PPARA: variants seen among roughly 807,000 people sequenced by gnomAD.
The protein encoded by PPARA is peroxisome proliferator-activated receptor alpha.
A neutral mutation model predicts 42.2 loss-of-function variants in PPARA; 22 were observed. The ratio of observed to expected loss-of-function variants is 0.52; its 90% CI spans 0.37 to 0.74. PPARA has a LOEUF of 0.74. Among genes scored for constraint, PPARA ranks in the 30% least tolerant of loss-of-function variants. PPARA has a pLI of 0.00. For synonymous variants in PPARA, 242 were observed against 239.3 expected (o/e 1.01, Z -0.10); for missense variants, 465 against 608.2 (o/e 0.76, Z 2.48).
chr22:46,169,048 T>A (rs901789277), intron 2 of PPARA, among the ~76,000 whole-genome samples: 4 of 151,592 alleles, frequency 2.6e-5, no homozygotes, highest in African/African-American at 9.7e-5. Flanking sequence ...GAGGAATGAA[T>A]AGGTGGAACA....
intron 4 of PPARA, among the ~76,000 whole-genome samples, chr22:46,208,913 T>C (rs1320723114): frequency 6.7e-6 from 1 of 148,306 alleles, no homozygotes; most frequent in Non-Finnish European, 1.5e-5. Context: ...TGTGTGTGTG[T>C]GTGCGTGTGT....
In PPARA at chr22:46,201,369, C is replaced by T. The variant is rs149660937; in HGVS notation, c.208+2778C>T. ...CGAGCAGCTTTGGGAGTGACCCTGACAGACCTTTACAGGTGGTGCAAGTTT... is the reference window on the plus strand; with the variant it reads ...CGAGCAGCTTTGGGAGTGACCCTGATAGACCTTTACAGGTGGTGCAAGTTT... On this transcript the variant is annotated intron_variant, in intron 4 of 8. Transcript: ENST00000407236. Among the ~76,000 whole-genome samples the T allele has an allele frequency of 3.8e-3, 574 of 152,252 alleles. 1 individual carries two copies. The highest frequency in any genetic ancestry group is 5.7e-3 in the Non-Finnish European group (387 of 68,022).
chr22:46,218,482 G>A, intron 6 of PPARA, 81 bp downstream of exon 6: 1 of 1,586,554 alleles, frequency 6.3e-7, no homozygotes, highest in Non-Finnish European at 8.6e-7. Flanking sequence ...ATCAAGCTAT[G>A]GATGAATGTG....
At chr22:46,172,318 T>TAA (rs35328780) in intron 2 of PPARA, among the ~76,000 whole-genome samples, 11,348 of 119,350 alleles carry the variant, frequency 0.095, 616 homozygotes, top group South Asian at 0.14. Context: ...TGCAAGTAAT[T>TAA]AAAAAAAAAA....
rs931206904 is a variant in PPARA, at chr22:46,238,195, G to A, written c.*2815G>A. 2.6e-5 allele frequency: 4 copies of A among 152,172 alleles called. No individual in the cohort carries two copies. Among genetic ancestry groups the A allele is most frequent in the African/African-American group, 4.8e-5 (2 of 41,434 alleles). The allele number at this position is 152,172 out of a possible 1,614,324, so 9.4% of individuals were successfully genotyped here. On this transcript the variant is annotated 3_prime_UTR_variant, in exon 9 of 9. Transcript: ENST00000407236. This position sits in a 1 kb window ranked among gnomAD's most constrained non-coding sequence, Gnocchi z 8.3. ...CGTGACCTCAGGCTGAAAGTCACTCGACATTGGTCTCTTGTGTTGATAGGG... is the reference window on the plus strand; with the variant it reads ...CGTGACCTCAGGCTGAAAGTCACTCAACATTGGTCTCTTGTGTTGATAGGG...
rs1032163380 is a variant in PPARA, at chr22:46,216,997, G to A, written c.370-1266G>A. ...CTTGGAAAATGCCACCGCCTTTCTG[G>A]CACAATGTACCATCTTGGAACACCA... On this transcript the variant is annotated intron_variant, in intron 5 of 8. Coordinates refer to ENST00000407236, the MANE Select transcript of PPARA (RefSeq NM_005036.6). The surrounding 1 kb of genome is among the most constrained non-coding windows in gnomAD (Gnocchi z 4.5). 1.1e-4 allele frequency among the ~76,000 whole-genome samples: 16 copies of A among 152,242 alleles called. 2 individuals are homozygous for A. The highest frequency in any genetic ancestry group is 9.7e-4 in the East Asian group (5 of 5,172).
chr22:46,206,536 G>A (rs1227794155), intron 4 of PPARA, among the ~76,000 whole-genome samples: 1 of 152,120 alleles, frequency 6.6e-6, no homozygotes, highest in Non-Finnish European at 1.5e-5. Context: ...ATGTCTCCCA[G>A]TCTACCTTCC....
rs571736420 is a variant in PPARA, at chr22:46,219,813, G to A, written c.510G>A (p.Ala170=). 1.1e-5 allele frequency: 18 copies of A among 1,614,084 alleles called. No homozygotes were observed. Among genetic ancestry groups the A allele is most frequent in the Admixed American group, 3.3e-5 (2 of 60,018 alleles). Reference sequence around the variant, plus strand: ...TGTGTTTCCCCCTCCAAACCCTAGCGATTCGTTTTGGACGAATGCCAAGAT... The same window carrying A: ...TGTGTTTCCCCCTCCAAACCCTAGCAATTCGTTTTGGACGAATGCCAAGAT... The part of the protein sequence containing the change: ...KCLSVGMSHN[A]IRFGRMPRSE... The change falls in exon 7 of 9, where the codon GCG becomes GCA. Residue 170 remains alanine, a splice_region_variant and synonymous_variant. Coordinates refer to ENST00000407236, the MANE Select transcript of PPARA (RefSeq NM_005036.6). The surrounding 1 kb of genome is among the most constrained non-coding windows in gnomAD (Gnocchi z 4.8).
chr22:46,178,851 T>C (rs1929546875), intron 3 of PPARA, among the ~76,000 whole-genome samples: 1 of 152,150 alleles, frequency 6.6e-6, no homozygotes, highest in South Asian at 2.1e-4. Context: ...ACATCAGGTG[T>C]GTACCAATGA....
chr22:46,216,775 T>G lies in PPARA; in HGVS notation c.369+1442T>G, dbSNP rs5767700. Among the ~76,000 whole-genome samples the G allele has an allele frequency of 1.3e-5, 2 of 152,090 alleles. No homozygotes were observed. The highest frequency in any genetic ancestry group is 4.8e-5 in the African/African-American group (2 of 41,402). ...AGGCAGGCCCTGTTGTCCTGCATGC[T>G]GCCAGCTGGACTGGTGGCCCTTCCG... On this transcript the variant is annotated intron_variant, in intron 5 of 8. Transcript: ENST00000407236. The surrounding 1 kb of genome is among the most constrained non-coding windows in gnomAD (Gnocchi z 4.5).
intron 4 of PPARA, among the ~76,000 whole-genome samples, chr22:46,201,632 A>G (rs1031139560): frequency 3.3e-5 from 5 of 152,084 alleles, no homozygotes; most frequent in African/African-American, 1.2e-4. Flanking sequence ...CAGGCTGCCC[A>G]CACACCTCAC....
chr22:46,223,690 C>T (rs1935178136), intron 7 of PPARA, among the ~76,000 whole-genome samples: 1 of 145,432 alleles, frequency 6.9e-6, no homozygotes, highest in Non-Finnish European at 1.5e-5. Context: ...ATGCTTATGC[C>T]TGTAATCCCA....
Position 46,241,381 on chromosome 22 carries a change from G to T in PPARA, c.*6001G>T, listed in dbSNP as rs1936366418. ...TGTACACTAAAATGTGAAATTGAAG[G>T]TTTTGTTAAAAAGAAAAAGATAATG... On this transcript the variant is annotated 3_prime_UTR_variant, in exon 9 of 9. Coordinates refer to ENST00000407236, the MANE Select transcript of PPARA (RefSeq NM_005036.6). This position sits in a 1 kb window ranked among gnomAD's most constrained non-coding sequence, Gnocchi z 5.7. The T allele has an allele frequency of 6.6e-6, 1 of 152,158 alleles. No homozygotes were observed. Among genetic ancestry groups the T allele is most frequent in the Non-Finnish European group, 1.5e-5 (1 of 68,014 alleles). The allele number at this position is 152,158 out of a possible 1,614,324, so 9.4% of individuals were successfully genotyped here.
chr22:46,215,118 A>G, intron 4 of PPARA, 55 bp from the exon 5 acceptor site: 15 of 1,592,066 alleles, frequency 9.4e-6, no homozygotes, highest in African/African-American at 1.3e-5. Context: ...GACCCGGTTC[A>G]GACACAGGAT....
Position 46,227,280 on chromosome 22 carries a change from C to G in PPARA, c.712-4512C>G, listed in dbSNP as rs1359377535. 6.6e-6 allele frequency among the ~76,000 whole-genome samples: 1 copy of G among 152,094 alleles called. No homozygotes were observed. Among genetic ancestry groups the G allele is most frequent in the Non-Finnish European group, 1.5e-5 (1 of 68,028 alleles). On this transcript the variant is annotated intron_variant, in intron 7 of 8. Coordinates refer to ENST00000407236, the MANE Select transcript of PPARA (RefSeq NM_005036.6). The surrounding 1 kb of genome is among the most constrained non-coding windows in gnomAD (Gnocchi z 4.3). ...TATTTATTTATTTTTGAGACTGAGT[C>G]TCACTCTCTTGCCCAGGCTGGAGTG... is the stretch of plus-strand genomic sequence containing the variant.
In PPARA at chr22:46,237,610, C is replaced by CAAAAAAAAAAAAAAA. The variant is rs571817655; in HGVS notation, c.*2232_*2246dup. On this transcript the variant is annotated 3_prime_UTR_variant, in exon 9 of 9. Coordinates refer to ENST00000407236, the MANE Select transcript of PPARA (RefSeq NM_005036.6). The surrounding 1 kb of genome is among the most constrained non-coding windows in gnomAD (Gnocchi z 6.7). ...TAGATTCCACCCTCTCCCACCCCGG[C>CAAAAAAAAAAAAAAA]AAAAAAAAAAAAAAAAGATGCAATC... The CAAAAAAAAAAAAAAA allele has an allele frequency of 9.4e-6, 1 of 105,978 alleles. No homozygotes were observed. 6.6% of individuals were successfully genotyped at this position (105,978 alleles called of 1,614,324 possible). A position where few individuals can be genotyped will look rare whatever the true frequency, so the allele number is the denominator to read the frequency against.
At chr22:46,218,602 G>C (rs1427543960) in intron 6 of PPARA, among the ~76,000 whole-genome samples, 1 of 152,056 alleles carries the variant, frequency 6.6e-6, no homozygotes, top group Non-Finnish European at 1.5e-5. Context: ...GGGAGGCTGA[G>C]GTGGGTGGAT....
rs1935213868 is a variant in PPARA, at chr22:46,224,087, A to C, written c.711+4073A>C. On this transcript the variant is annotated intron_variant, in intron 7 of 8. Transcript: ENST00000407236. This position sits in a 1 kb window ranked among gnomAD's most constrained non-coding sequence, Gnocchi z 5.7. ...CTTCCACCCACACCCACAAAGCCAG[A>C]GCACCGCAGGTACCAGTTTTCAAGG... is the stretch of plus-strand genomic sequence containing the variant. Among the ~76,000 whole-genome samples, 1 of 152,288 alleles carries C rather than the reference A, an allele frequency of 6.6e-6. No homozygotes were observed. Among genetic ancestry groups the C allele is most frequent in the South Asian group, 2.1e-4 (1 of 4,820 alleles).
In PPARA at chr22:46,167,670, A is replaced by G. The variant is rs1325024265; in HGVS notation, c.-126-9083A>G. Among the ~76,000 whole-genome samples the G allele has an allele frequency of 6.6e-6, 1 of 152,146 alleles. No individual in the cohort carries two copies. Among genetic ancestry groups the G allele is most frequent in the Admixed American group, 6.6e-5 (1 of 15,262 alleles). On this transcript the variant is annotated intron_variant, in intron 2 of 8. Transcript: ENST00000407236. The surrounding 1 kb of genome is among the most constrained non-coding windows in gnomAD (Gnocchi z 4.1). ...GTGTGTTAAAAAAAGAGTTAAAACT[A>G]TAAAACCTTCAGAAGAAAACATATG... is the stretch of plus-strand genomic sequence containing the variant.
Sources: gnomAD v4.1 joint callset for allele counts (sites outside exome capture counted in the v4.1 genomes callset) on GRCh38, gnomAD v4.1.1 for gene constraint, Gnocchi (gnomAD v3.1) non-coding constraint, MANE v1.5 for transcripts, NCBI Gene and HGNC (gene_info 2026-07-23, HGNC 2026-07-21) for gene names.